Variants in SLCO1B1 observed in about 807,000 individuals in gnomAD.
SLCO1B1 encodes the protein solute carrier organic anion transporter family member 1B1, also known as OATP-2.
Under a neutral mutation model 70.1 loss-of-function variants are expected in SLCO1B1, and 81 were observed. The observed-to-expected ratio is 1.16, with a 90% CI of 0.97 to 1.39. The LOEUF (loss-of-function observed/expected upper bound fraction) is 1.39, where lower values mean the gene tolerates loss of function less well. Ranked by LOEUF, SLCO1B1 falls within the 40% of genes most tolerant of loss-of-function variation. The pLI is 0.00. For synonymous variants in SLCO1B1, 283 were observed against 271.5 expected (o/e 1.04, Z -0.42); for missense variants, 895 against 799.6 (o/e 1.12, Z -1.44).
chr12:21,140,751 T>C (rs944175388), intron 1 of SLCO1B1, among the ~76,000 whole-genome samples: 5 of 152,006 alleles, frequency 3.3e-5, no homozygotes, highest in African/African-American at 4.8e-5. Context: ...ACCATTTGCA[T>C]TGAAAAGGAA....
intron 8 of SLCO1B1, among the ~76,000 whole-genome samples, chr12:21,199,466 C>T (rs2121144117): frequency 6.6e-6 from 1 of 152,208 alleles, no homozygotes; most frequent in South Asian, 2.1e-4. Flanking sequence ...TATTATAATA[C>T]TACTTGGGAC....
At chr12:21,238,882 ATT>A (rs921180989) in intron 14 of SLCO1B1, 95 bp from the exon 15 acceptor site, 34 of 663,958 alleles carry the variant, frequency 5.1e-5, no homozygotes, top group Non-Finnish European at 7.8e-5. Context: ...TTTATTTATA[ATT>A]TTTTTTCTTT....
In SLCO1B1 at chr12:21,176,695, G is replaced by A. The variant is rs190580693; in HGVS notation, c.360-81G>A. The A allele has an allele frequency of 6.9e-4, 754 of 1,100,046 alleles. 7 individuals carry two copies. In the South Asian group the frequency reaches 7.3e-3, roughly 11 times the overall value. 68.1% of individuals were successfully genotyped at this position (1,100,046 alleles called of 1,614,324 possible). On this transcript the variant is annotated intron_variant, in intron 4 of 14. Coordinates refer to ENST00000256958, the MANE Select transcript of SLCO1B1 (RefSeq NM_006446.5). ...GGGAAGATAATGGTGCAAATAAAGG[G>A]GAATATTTCTCTGTATTTCTAGGAA... is the stretch of plus-strand genomic sequence containing the variant.
In SLCO1B1 at chr12:21,206,001, T is replaced by A. The variant is rs144733213; in HGVS notation, c.1465T>A (p.Cys489Ser). ...ITYISPCLAG[C>S]KSSSGNKKPI... ...TTACATCTCACCCTGTCTAGCAGGT[T>A]GCAAATCTTCAAGTGGCAATAAAAA... Residue 489 changes from cysteine (C) to serine (S), a missense_variant, in exon 11 of 15, where the codon TGC becomes AGC. Cys to Ser is a moderately radical substitution (Grantham distance 112, BLOSUM62 -1). Transcript: ENST00000256958. 29 of 1,612,202 alleles carry A rather than the reference T, an allele frequency of 1.8e-5. No homozygotes were observed. The East Asian group carries it at 6.3e-4, about 35-fold the overall frequency.
At position 21,131,252 on chromosome 12, in the gene SLCO1B1, A is replaced by T. The variant is rs1333629058; in HGVS notation, c.-62+16A>T. The T allele has an allele frequency of 6.6e-6, 1 of 152,020 alleles. No homozygotes were observed. The highest frequency in any genetic ancestry group is 1.5e-5 in the Non-Finnish European group (1 of 67,984). The allele number at this position is 152,020 out of a possible 1,614,324, so 9.4% of individuals were successfully genotyped here. On this transcript the variant is annotated intron_variant, in intron 1 of 14. Coordinates refer to ENST00000256958, the MANE Select transcript of SLCO1B1 (RefSeq NM_006446.5). ...CTAAATCCAGGTAAGAACCATTGAG[A>T]TTCTCTAATTTTTACATATATTTTA...
chr12:21,154,423 A>G (rs1436092557), intron 2 of SLCO1B1, among the ~76,000 whole-genome samples: 2 of 152,148 alleles, frequency 1.3e-5, no homozygotes, highest in African/African-American at 4.8e-5. Flanking sequence ...TCTTGATCTC[A>G]GACTTCCCAG....
chr12:21,207,800 C>T (rs879473712), intron 11 of SLCO1B1, among the ~76,000 whole-genome samples: 24 of 151,826 alleles, frequency 1.6e-4, no homozygotes, highest in South Asian at 6.2e-4. Context: ...GCCTTGCCAG[C>T]GTCTGTTTTT....
At chr12:21,168,043 A>C (rs1940710593) in intron 2 of SLCO1B1, among the ~76,000 whole-genome samples, 1 of 151,424 alleles carries the variant, frequency 6.6e-6, no homozygotes, top group Non-Finnish European at 1.5e-5. Context: ...GGCTGGTCTC[A>C]AACTCCTGAC....
rs777609269 is a variant in SLCO1B1, at chr12:21,200,566, T to A, written c.1029T>A (p.Leu343=). ...LTNPLYVMFV[L]LTLLQVSSYI... The stretch of plus-strand genomic sequence containing the variant: ...ATCCCCTGTATGTTATGTTTGTGCT[T>A]TTGACGTTGTTACAAGTAAGCAGCT... The change falls in exon 9 of 15, where the codon CTT becomes CTA. Residue 343 remains leucine, a synonymous_variant. Transcript: ENST00000256958. 2.5e-5 allele frequency: 41 copies of A among 1,608,036 alleles called. No individual in the cohort carries two copies. The highest frequency in any genetic ancestry group is 4.5e-5 in the East Asian group (2 of 44,662).
chr12:21,174,256 C>T (rs1464545656), intron 3 of SLCO1B1, among the ~76,000 whole-genome samples: 2 of 152,060 alleles, frequency 1.3e-5, no homozygotes, highest in African/African-American at 4.8e-5. Context: ...AATAAAGAAA[C>T]GCATGAAGGA....
intron 2 of SLCO1B1, among the ~76,000 whole-genome samples, chr12:21,146,683 C>G (rs1565665407): frequency 6.6e-6 from 1 of 151,594 alleles, no homozygotes; most frequent in Non-Finnish European, 1.5e-5. Flanking sequence ...CTTCAGATTT[C>G]TTTTGACTCA....
chr12:21,163,165 T>C (rs1783158950), intron 2 of SLCO1B1, among the ~76,000 whole-genome samples: 1 of 152,166 alleles, frequency 6.6e-6, no homozygotes, highest in African/African-American at 2.4e-5. Flanking sequence ...TATACTTATT[T>C]ACTTCAGATA....
At chr12:21,216,924 A>G (rs1359428604) in intron 11 of SLCO1B1, among the ~76,000 whole-genome samples, 195 bp from the exon 12 acceptor site, 3 of 152,158 alleles carry the variant, frequency 2.0e-5, no homozygotes, top group Admixed American at 6.5e-5. Flanking sequence ...CATGAATTAC[A>G]TTGTCTTATA....
intron 2 of SLCO1B1, among the ~76,000 whole-genome samples, chr12:21,168,211 C>T: frequency 7.7e-6 from 1 of 129,898 alleles, no homozygotes; most frequent in African/African-American, 2.4e-5. Context: ...TGAGGTTCAT[C>T]CATATTGTAG....
At chr12:21,197,373 A>G (rs1245984528) in intron 8 of SLCO1B1, among the ~76,000 whole-genome samples, 185 bp downstream of exon 8, 1 of 152,128 alleles carries the variant, frequency 6.6e-6, no homozygotes, top group Non-Finnish European at 1.5e-5. Flanking sequence ...AGCACATAAC[A>G]AGTGGAAGAG....
chr12:21,227,479 T>TA (rs1237068535), intron 14 of SLCO1B1, among the ~76,000 whole-genome samples: 2 of 152,116 alleles, frequency 1.3e-5, no homozygotes, highest in East Asian at 3.8e-4. Flanking sequence ...ATTCACTATC[T>TA]AAAATCCCCA....
At chr12:21,152,902 G>A (rs927717707) in intron 2 of SLCO1B1, among the ~76,000 whole-genome samples, 14 of 152,154 alleles carry the variant, frequency 9.2e-5, no homozygotes, top group Non-Finnish European at 1.9e-4. Context: ...AGCTCCTGGA[G>A]GGAAAACTCA....
chr12:21,142,490 T>C (rs1591796657), intron 2 of SLCO1B1, among the ~76,000 whole-genome samples: 1 of 152,068 alleles, frequency 6.6e-6, no homozygotes, highest in African/African-American at 2.4e-5. Flanking sequence ...ATCAATGTTT[T>C]AACTTTTTTA....
At chr12:21,134,249 G>A (rs1251129603) in intron 1 of SLCO1B1, among the ~76,000 whole-genome samples, 2 of 152,168 alleles carry the variant, frequency 1.3e-5, no homozygotes, top group Non-Finnish European at 2.9e-5. Flanking sequence ...ATTTTATTGA[G>A]GATTTTTGCA....
Sources: allele counts gnomAD v4.1 joint callset (sites outside exome capture counted in the v4.1 genomes callset), GRCh38; gene constraint gnomAD v4.1.1; transcripts MANE v1.5; gene names NCBI Gene and HGNC (gene_info 2026-07-23, HGNC 2026-07-21).